FBLN1: variants seen among roughly 807,000 people sequenced by gnomAD.
The protein encoded by FBLN1 is fibulin-1.
A neutral mutation model predicts 89.7 loss-of-function variants in FBLN1; 34 were observed. The ratio of observed to expected loss-of-function variants is 0.38; its 90% CI spans 0.29 to 0.50. The LOEUF is 0.50. Among genes scored for constraint, FBLN1 ranks in the 20% least tolerant of loss-of-function variants. The probability of loss-of-function intolerance (pLI) is 0.92; values close to 1 mark genes in which losing one functional copy is unlikely to be tolerated. For missense variants in FBLN1, 777 were observed against 988.1 expected (o/e 0.79, Z 2.86); for synonymous variants, 393 against 391.3 (o/e 1.00, Z -0.05).
At chr22:45,548,528 T>A in intron 12 of FBLN1, 85 bp from the exon 13 acceptor site, 1 of 1,582,734 alleles carries the variant, frequency 6.3e-7, no homozygotes, top group Non-Finnish European at 8.6e-7. Context: ...CGGGCCCCAG[T>A]GCAGCCCCCA....
At chr22:45,523,207 G>T (rs1196096231) in intron 2 of FBLN1, 3 of 774,330 alleles carry the variant, frequency 3.9e-6, no homozygotes, top group Non-Finnish European at 7.2e-6. Flanking sequence ...AGGAGAGGGT[G>T]TGTACAGCAA....
At chr22:45,513,360 A>G (rs1027410783) in intron 1 of FBLN1, among the ~76,000 whole-genome samples, 3 of 148,442 alleles carry the variant, frequency 2.0e-5, no homozygotes, top group African/African-American at 7.5e-5. Flanking sequence ...GCTGGAATGC[A>G]GTGGCATAAT....
intron 1 of FBLN1, 189 bp from the exon 2 acceptor site, chr22:45,518,493 G>A: frequency 1.5e-6 from 1 of 646,082 alleles, no homozygotes; most frequent in African/African-American, 1.8e-5. Flanking sequence ...GGAAGGAGTG[G>A]GGTGTGGACT....
chr22:45,523,176 A>G, intron 2 of FBLN1: 1 of 778,776 alleles, frequency 1.3e-6, no homozygotes, highest in Non-Finnish European at 2.4e-6. Context: ...GGCCGAGGGA[A>G]CAGCCAGCGC....
At chr22:45,518,584 A>C in intron 1 of FBLN1, 98 bp from the exon 2 acceptor site, 4 of 894,962 alleles carry the variant, frequency 4.5e-6, no homozygotes, top group Middle Eastern at 2.3e-4. Flanking sequence ...TGCTGTCGTC[A>C]AGACAGAAGG....
At chr22:45,523,143 T>A in intron 2 of FBLN1, 1 of 778,778 alleles carries the variant, frequency 1.3e-6, no homozygotes, top group Non-Finnish European at 2.4e-6. Context: ...GTGGGCAGTA[T>A]GGAAAGTGGG....
chr22:45,517,474 C>T, intron 1 of FBLN1: 1 of 456,144 alleles, frequency 2.2e-6, no homozygotes, highest in South Asian at 1.6e-5. Context: ...TGGGCTGGGG[C>T]ATGGGGCACA....
intron 14 of FBLN1, among the ~76,000 whole-genome samples, chr22:45,553,739 G>A (rs910180141): frequency 6.6e-6 from 1 of 152,222 alleles, no homozygotes; most frequent in African/African-American, 2.4e-5. Context: ...TGACTGTGTG[G>A]GGTCGGAGGG....
chr22:45,534,482 G>A (rs1211191339), intron 7 of FBLN1, among the ~76,000 whole-genome samples: 2 of 152,196 alleles, frequency 1.3e-5, no homozygotes, highest in Non-Finnish European at 2.9e-5. Context: ...TTTGGCAGAT[G>A]GGGAGGCTCT....
At position 45,583,730 on chromosome 22, in the gene FBLN1, T is replaced by C. The variant is rs2089061088; in HGVS notation, c.1972+6622T>C. Among the ~76,000 whole-genome samples, 1 of 151,856 alleles carries C rather than the reference T, an allele frequency of 6.6e-6. No homozygotes were observed. The highest frequency in any genetic ancestry group is 1.5e-5 in the Non-Finnish European group (1 of 67,986). Reference sequence around the variant, plus strand: ...GAAGCAGCTAGTTACTCACAGGTCCTAGAGAGGTGGGGAGCACCCCTTGCA... The same window carrying C: ...GAAGCAGCTAGTTACTCACAGGTCCCAGAGAGGTGGGGAGCACCCCTTGCA... On this transcript the variant is annotated intron_variant, in intron 16 of 16. Coordinates refer to ENST00000327858, the MANE Select transcript of FBLN1 (RefSeq NM_006486.3). This position sits in a 1 kb window ranked among gnomAD's most constrained non-coding sequence, Gnocchi z 4.5.
intron 14 of FBLN1, among the ~76,000 whole-genome samples, chr22:45,553,353 G>A (rs913517647): frequency 2.0e-5 from 3 of 152,208 alleles, no homozygotes; most frequent in Non-Finnish European, 4.4e-5. Flanking sequence ...GGCCTGCTGA[G>A]GGGACATGTC....
chr22:45,552,511 A>G (rs1016177328), intron 14 of FBLN1, among the ~76,000 whole-genome samples: 1 of 152,224 alleles, frequency 6.6e-6, no homozygotes, highest in African/African-American at 2.4e-5. Context: ...CTGCTCATCA[A>G]AAATCGAAGC....
At chr22:45,535,515 T>G (rs2088473261) in intron 8 of FBLN1, 178 bp downstream of exon 8, 3 of 717,650 alleles carry the variant, frequency 4.2e-6, no homozygotes, top group Admixed American at 2.3e-5. Context: ...GTGGGCCATA[T>G]GGTCTCTGTC....
intron 2 of FBLN1, among the ~76,000 whole-genome samples, chr22:45,519,386 C>T (rs956892830): frequency 2.0e-5 from 3 of 151,732 alleles, no homozygotes; most frequent in Non-Finnish European, 4.4e-5. Context: ...TTTGGGAGGC[C>T]GAGGTGGGTG....
chr22:45,558,580 G>A (rs1254780185), intron 14 of FBLN1: 1 of 158,502 alleles, frequency 6.3e-6, no homozygotes, highest in Non-Finnish European at 1.4e-5. Flanking sequence ...TTGCACAACA[G>A]CCTGGACCTG....
rs2088423285 is a variant in FBLN1, at chr22:45,532,613, C to T, written c.545-450C>T. The stretch of plus-strand genomic sequence containing the variant: ...AAGACCAGGTAGGAGGCTGTGGCCA[C>T]AGCCAGGTGGGCAGCTGCAGGAACT... On this transcript the variant is annotated intron_variant, in intron 5 of 16. Transcript: ENST00000327858. This position sits in a 1 kb window ranked among gnomAD's most constrained non-coding sequence, Gnocchi z 4.2. Among the ~76,000 whole-genome samples, 1 of 152,148 alleles carries T rather than the reference C, an allele frequency of 6.6e-6. No homozygotes were observed. Among genetic ancestry groups the T allele is most frequent in the East Asian group, 1.9e-4 (1 of 5,194 alleles).
At position 45,531,249 on chromosome 22, in the gene FBLN1, T is replaced by A; in HGVS notation, c.485-16T>A. 6.2e-7 allele frequency: 1 copy of A among 1,612,702 alleles called. No homozygotes were observed. Among genetic ancestry groups the A allele is most frequent in the Non-Finnish European group, 8.5e-7 (1 of 1,178,726 alleles). The stretch of plus-strand genomic sequence containing the variant: ...GTGTTTGGATAAATGTCTGACTTGG[T>A]CTTTTTCCCCCTTAGATAAGATCAT... On this transcript the variant is annotated splice_polypyrimidine_tract_variant and intron_variant, in intron 4 of 16. Coordinates refer to ENST00000327858, the MANE Select transcript of FBLN1 (RefSeq NM_006486.3). This position sits in a 1 kb window ranked among gnomAD's most constrained non-coding sequence, Gnocchi z 4.9.
intron 1 of FBLN1, among the ~76,000 whole-genome samples, chr22:45,504,590 C>T (rs114968748): frequency 0.027 from 4,080 of 152,170 alleles, 74 homozygotes; most frequent in Middle Eastern, 0.11. Flanking sequence ...TCAGAGGCCC[C>T]GATTGTGTCG....
chr22:45,511,360 G>A (rs2088097986), intron 1 of FBLN1, among the ~76,000 whole-genome samples: 1 of 151,310 alleles, frequency 6.6e-6, no homozygotes, highest in African/African-American at 2.4e-5. Flanking sequence ...CTCCATGTTG[G>A]TCAGGCTGGT....
Sources: allele counts gnomAD v4.1 joint callset (sites outside exome capture counted in the v4.1 genomes callset), GRCh38; gene constraint gnomAD v4.1.1; non-coding constraint Gnocchi (gnomAD v3.1); transcripts MANE v1.5; gene names NCBI Gene and HGNC (gene_info 2026-07-23, HGNC 2026-07-21).